NCOA2: variants seen among roughly 807,000 people sequenced by gnomAD.
The protein encoded by NCOA2 is nuclear receptor coactivator 2.
A neutral mutation model predicts 145.1 loss-of-function variants in NCOA2; 21 were observed. The observed-to-expected ratio is 0.14, with a 90% CI of 0.10 to 0.21. The LOEUF (loss-of-function observed/expected upper bound fraction) is 0.21, where lower values mean the gene tolerates loss of function less well. Among genes scored for constraint, NCOA2 ranks in the 10% least tolerant of loss-of-function variants. The probability of loss-of-function intolerance (pLI) is 1.00; values close to 1 mark genes in which losing one functional copy is unlikely to be tolerated. For missense variants in NCOA2, 1,472 were observed against 1,837.6 expected, an observed-to-expected ratio of 0.80 and a Z score of 3.64; for synonymous variants, 619 against 637.5, an observed-to-expected ratio of 0.97 and a Z score of 0.44.
intron 2 of NCOA2, among the ~76,000 whole-genome samples, chr8:70,220,024 G>A (rs1350136125): frequency 6.6e-6 from 1 of 152,142 alleles, no homozygotes; most frequent in African/African-American, 2.4e-5. Flanking sequence ...CTATACAAAT[G>A]TACATTCTAG....
At chr8:70,212,475 G>C (rs1030672565) in intron 4 of NCOA2, among the ~76,000 whole-genome samples, 1 of 152,138 alleles carries the variant, frequency 6.6e-6, no homozygotes, top group African/African-American at 2.4e-5. Context: ...AGGAAATAAA[G>C]ACTGATTTGC....
At chr8:70,213,879 A>G (rs888020290) in intron 4 of NCOA2, 24 bp downstream of exon 4, 1 of 1,545,162 alleles carries the variant, frequency 6.5e-7, no homozygotes, top group Non-Finnish European at 8.7e-7. Flanking sequence ...TCAACTCTTC[A>G]AAATACTAAT....
At chr8:70,300,862 T>C (rs772864886) in intron 1 of NCOA2, among the ~76,000 whole-genome samples, 5 of 152,232 alleles carry the variant, frequency 3.3e-5, no homozygotes, top group African/African-American at 9.6e-5. Context: ...GTGAGAGCAC[T>C]GAGTAGAGAA....
intron 1 of NCOA2, among the ~76,000 whole-genome samples, chr8:70,309,982 C>A (rs1445709707): frequency 6.6e-6 from 1 of 151,318 alleles, no homozygotes. Flanking sequence ...AACAAAAAAA[C>A]GAAACCAAAC....
At chr8:70,421,204 A>C in the NCOA2 span, among the ~76,000 whole-genome samples, 1 of 152,280 alleles carries the variant, frequency 6.6e-6, no homozygotes, top group Non-Finnish European at 1.5e-5. Context: ...AAGAAGAATC[A>C]AAGTTGACAT....
At chr8:70,204,197 G>A (rs546345390) in intron 4 of NCOA2, among the ~76,000 whole-genome samples, 3 of 151,952 alleles carry the variant, frequency 2.0e-5, no homozygotes, top group Non-Finnish European at 4.4e-5. Context: ...TAGTAGAGAC[G>A]GGGTTTCACC....
At chr8:70,257,905 A>G (rs75024080) in intron 2 of NCOA2, among the ~76,000 whole-genome samples, 4,890 of 151,246 alleles carry the variant, frequency 0.032, 252 homozygotes, top group African/African-American at 0.11. Flanking sequence ...AAAGATGAGC[A>G]TGTCTTTTTT....
At chr8:70,161,591 C>A (rs115385305) in intron 9 of NCOA2, among the ~76,000 whole-genome samples, 5 of 152,100 alleles carry the variant, frequency 3.3e-5, no homozygotes, top group African/African-American at 1.2e-4. Flanking sequence ...TATAAGTGAT[C>A]TAAAAAGTAT....
intron 4 of NCOA2, among the ~76,000 whole-genome samples, chr8:70,192,312 G>T (rs79667680): frequency 2.6e-5 from 4 of 151,982 alleles, no homozygotes; most frequent in Non-Finnish European, 1.5e-5. Context: ...TTGTGCTACA[G>T]CGGACCAGAG....
At chr8:70,311,438 T>C (rs1028307772) in intron 1 of NCOA2, among the ~76,000 whole-genome samples, 12 of 152,136 alleles carry the variant, frequency 7.9e-5, no homozygotes, top group African/African-American at 2.9e-4. Flanking sequence ...TTTTAAAATA[T>C]GATGCAAAAA....
chr8:70,138,947 G>C (rs115036692), intron 14 of NCOA2, among the ~76,000 whole-genome samples: 1 of 152,350 alleles, frequency 6.6e-6, no homozygotes, highest in South Asian at 2.1e-4. Context: ...CAGTGTTTTA[G>C]GATTAGTATG....
chr8:70,383,962 T>C (rs1176955158), intron 1 of NCOA2, among the ~76,000 whole-genome samples: 1 of 152,228 alleles, frequency 6.6e-6, no homozygotes, highest in Admixed American at 6.5e-5. Flanking sequence ...AAATTTTCCA[T>C]CAGGGAATTT....
intron 1 of NCOA2, among the ~76,000 whole-genome samples, chr8:70,371,415 AAAAT>A (rs1286199952): frequency 6.6e-6 from 1 of 152,200 alleles, no homozygotes; most frequent in African/African-American, 2.4e-5. Context: ...AAAATAAAAT[AAAAT>A]AAAGGTAAGA....
chr8:70,197,498 T>C (rs1196842797), intron 4 of NCOA2, among the ~76,000 whole-genome samples: 1 of 152,250 alleles, frequency 6.6e-6, no homozygotes, highest in Non-Finnish European at 1.5e-5. Flanking sequence ...CTTTGTTGTC[T>C]GCACAGCCTG....
rs544482635 is a variant in NCOA2 at position 70,284,317 on chromosome 8, T to C, written c.-20+12427A>G. Among the ~76,000 whole-genome samples the C allele has an allele frequency of 3.9e-5, 6 of 152,288 alleles. No individual in the cohort carries two copies. The South Asian group carries it at 1.2e-3, about 32-fold the overall frequency. ...CTTTCTCTTTCACTCCTATTCTCCC[T>C]CTAAAAGGAGGCCTGACAGGGTGGA... is the stretch of plus-strand genomic sequence containing the variant. On this transcript the variant is annotated intron_variant, in intron 2 of 22. Transcript: ENST00000452400.
chr8:70,425,049 A>C, the NCOA2 span, among the ~76,000 whole-genome samples: 1 of 152,170 alleles, frequency 6.6e-6, no homozygotes, highest in Admixed American at 6.5e-5. Context: ...TCCTACTTGT[A>C]CATTAACATG....
chr8:70,251,750 C>T (rs891322591), intron 2 of NCOA2, among the ~76,000 whole-genome samples: 2 of 152,208 alleles, frequency 1.3e-5, no homozygotes, highest in African/African-American at 4.8e-5. Flanking sequence ...AAATAAGTCT[C>T]TGACAGTTTT....
chr8:70,136,789 G>A (rs546143344), intron 15 of NCOA2, among the ~76,000 whole-genome samples: 41 of 152,144 alleles, frequency 2.7e-4, no homozygotes, highest in Non-Finnish European at 4.9e-4. Context: ...AGAGAGACAT[G>A]GTTAGAAACT....
In NCOA2 at chr8:70,275,469, C is replaced by CT. The variant is rs1424566849; in HGVS notation, c.-20+21274dup. ...TATTTAAAAGGAAACCTGCTGAGTTCTTTTTTAAAACTGAATAATCTTTAG... is the reference window on the plus strand; with the variant it reads ...TATTTAAAAGGAAACCTGCTGAGTTCTTTTTTTAAAACTGAATAATCTTTAG... On this transcript the variant is annotated intron_variant, in intron 2 of 22. Coordinates refer to ENST00000452400, the MANE Select transcript of NCOA2 (RefSeq NM_006540.4). Among the ~76,000 whole-genome samples, 4 of 152,114 alleles carry CT rather than the reference C, an allele frequency of 2.6e-5. No homozygotes were observed. The East Asian group carries it at 7.7e-4, about 29-fold the overall frequency.
Sources: gnomAD v4.1 joint callset for allele counts (sites outside exome capture counted in the v4.1 genomes callset) on GRCh38, gnomAD v4.1.1 for gene constraint, MANE v1.5 for transcripts, NCBI Gene and HGNC (gene_info 2026-07-23, HGNC 2026-07-21) for gene names.